Variants in SOX5 observed in about 807,000 individuals in gnomAD.
SOX5 encodes transcription factor SOX-5.
In SOX5, 9 loss-of-function variants were observed where a neutral mutation model predicts 92.0. That is an observed-to-expected ratio of 0.10 (90% CI 0.06 to 0.17). The LOEUF is 0.17. SOX5 is among the 10% of genes least tolerant of loss of function. The pLI, the probability that SOX5 is intolerant of heterozygous loss-of-function variation, is 1.00. For missense variants in SOX5, 642 were observed against 944.5 expected, an observed-to-expected ratio of 0.68 and a Z score of 4.20; for synonymous variants, 344 against 336.3, an observed-to-expected ratio of 1.02 and a Z score of -0.25.
At chr12:23,572,467 A>C (rs914979160) in intron 10 of SOX5, among the ~76,000 whole-genome samples, 7 of 152,060 alleles carry the variant, frequency 4.6e-5, no homozygotes, top group Non-Finnish European at 8.8e-5. Context: ...AAAAAAAAAA[A>C]AGAGATGTTT....
intron 12 of SOX5, among the ~76,000 whole-genome samples, chr12:23,544,010 A>G (rs920334941): frequency 1.3e-5 from 2 of 152,240 alleles, no homozygotes; most frequent in Admixed American, 6.5e-5. Flanking sequence ...CCCCCAAAAT[A>G]TATGTAAAAC....
chr12:24,397,720 C>T (rs1161058634), intron 1 of SOX5, among the ~76,000 whole-genome samples: 1 of 151,858 alleles, frequency 6.6e-6, no homozygotes, highest in Admixed American at 6.6e-5. Flanking sequence ...CCAAACATCA[C>T]AAATCCAGAA....
intron 3 of SOX5, among the ~76,000 whole-genome samples, chr12:24,260,246 G>T (rs1941891597): frequency 6.6e-6 from 1 of 152,146 alleles, no homozygotes; most frequent in African/African-American, 2.4e-5. Flanking sequence ...GAGCATGATG[G>T]GTGACCTGTT....
At chr12:24,056,745 G>A (rs189508246) in intron 4 of SOX5, among the ~76,000 whole-genome samples, 21 of 151,810 alleles carry the variant, frequency 1.4e-4, no homozygotes, top group Non-Finnish European at 2.8e-4. Context: ...GGAGGCCGAG[G>A]CGGGCGGATC....
At chr12:24,259,128 T>A (rs1192372443) in intron 3 of SOX5, among the ~76,000 whole-genome samples, 1 of 152,196 alleles carries the variant, frequency 6.6e-6, no homozygotes, top group Non-Finnish European at 1.5e-5. Flanking sequence ...CATAAAAGTA[T>A]GATAAAATGT....
intron 9 of SOX5, chr12:23,584,478 T>C: frequency 8.9e-7 from 1 of 1,117,894 alleles, no homozygotes; most frequent in Non-Finnish European, 1.4e-6. Flanking sequence ...GAAAGCATCA[T>C]TATGCATAAG....
At chr12:23,746,521 GT>G (rs2093989920) in intron 4 of SOX5, among the ~76,000 whole-genome samples, 1 of 152,144 alleles carries the variant, frequency 6.6e-6, no homozygotes, top group Admixed American at 6.6e-5. Context: ...ATTCTTGTAT[GT>G]TTTTAATCTA....
In SOX5 at chr12:23,978,537, A is replaced by G. The variant is rs148163932; in HGVS notation, c.-1-82513T>C. Among the ~76,000 whole-genome samples, 193 of 152,332 alleles carry G rather than the reference A, an allele frequency of 1.3e-3. 1 individual carries two copies. Among genetic ancestry groups the G allele is most frequent in the African/African-American group, 4.3e-3 (180 of 41,590 alleles). On this transcript the variant is annotated intron_variant, in intron 4 of 4. Transcript: ENST00000446891. ...TTTTCTAAGCTGTTCAATGCACCTT[A>G]TAATCATTATGCAGTCCTTCGTCAC...
intron 2 of SOX5, among the ~76,000 whole-genome samples, chr12:23,855,056 T>G (rs1046292379): frequency 7.6e-6 from 1 of 131,848 alleles, no homozygotes; most frequent in South Asian, 2.6e-4. Flanking sequence ...CAAAAACAAA[T>G]AAAGAAAAAA....
intron 1 of SOX5, among the ~76,000 whole-genome samples, chr12:24,484,354 T>C (rs954731288): frequency 5.3e-5 from 8 of 152,238 alleles, no homozygotes; most frequent in African/African-American, 1.7e-4. Context: ...TTTCCTGAAT[T>C]AAAAATGAGT....
intron 1 of SOX5, among the ~76,000 whole-genome samples, chr12:23,942,184 T>C (rs964374489): frequency 6.6e-6 from 1 of 151,848 alleles, no homozygotes; most frequent in Non-Finnish European, 1.5e-5. Flanking sequence ...TCTTGTGTTC[T>C]CCTAGGTGAA....
chr12:24,436,266 C>T (rs2137116008), intron 1 of SOX5, among the ~76,000 whole-genome samples: 1 of 152,322 alleles, frequency 6.6e-6, no homozygotes, highest in Non-Finnish European at 1.5e-5. Flanking sequence ...AAAGCTAGGA[C>T]TCTTGTGCCA....
chr12:24,287,949 C>T (rs991188944), intron 2 of SOX5, among the ~76,000 whole-genome samples: 1 of 152,122 alleles, frequency 6.6e-6, no homozygotes, highest in Admixed American at 6.6e-5. Context: ...GGAGTAAGAA[C>T]TGGCAAAAAG....
chr12:23,761,757 G>C (rs1050284827), intron 3 of SOX5, among the ~76,000 whole-genome samples: 105 of 152,152 alleles, frequency 6.9e-4, no homozygotes, highest in African/African-American at 2.5e-3. Flanking sequence ...GTAATTATTT[G>C]ATAGGTGGTA....
intron 9 of SOX5, among the ~76,000 whole-genome samples, chr12:23,584,087 C>T (rs1026330850): frequency 4.6e-5 from 7 of 152,072 alleles, no homozygotes; most frequent in African/African-American, 1.7e-4. Flanking sequence ...ACATCAGCAT[C>T]TCTACTGGAA....
chr12:24,383,415 A>G (rs1958033622), intron 1 of SOX5, among the ~76,000 whole-genome samples: 1 of 152,232 alleles, frequency 6.6e-6, no homozygotes, highest in South Asian at 2.1e-4. Context: ...CTTATCCATG[A>G]TTTTGCTTTC....
chr12:23,610,756 T>C (rs755537269), intron 8 of SOX5, among the ~76,000 whole-genome samples: 18 of 152,240 alleles, frequency 1.2e-4, no homozygotes, highest in Non-Finnish European at 2.2e-4. Context: ...TTAAATCTTA[T>C]CAGCATAAGA....
intron 1 of SOX5, among the ~76,000 whole-genome samples, chr12:24,561,734 G>A (rs1208530487): frequency 6.6e-6 from 1 of 151,298 alleles, no homozygotes; most frequent in African/African-American, 2.4e-5. Context: ...GGAGGGAGGG[G>A]GAGTGGTAGG....
intron 2 of SOX5, among the ~76,000 whole-genome samples, chr12:24,295,317 C>G (rs1565848433): frequency 6.6e-6 from 1 of 152,124 alleles, no homozygotes; most frequent in Non-Finnish European, 1.5e-5. Flanking sequence ...CTTCAATACC[C>G]TCTTGTTTAA....
Sources: allele counts gnomAD v4.1 joint callset (sites outside exome capture counted in the v4.1 genomes callset), GRCh38; gene constraint gnomAD v4.1.1; transcripts MANE v1.5; gene names NCBI Gene and HGNC (gene_info 2026-07-23, HGNC 2026-07-21).